ERICH1: variants seen among roughly 807,000 people sequenced by gnomAD.
The protein encoded by ERICH1 is glutamate rich 1, also known as glutamate-rich protein 1.
A neutral mutation model predicts 39.6 loss-of-function variants in ERICH1; 56 were observed. The ratio of observed to expected loss-of-function variants is 1.41; its 90% CI spans 1.14 to 1.77. The LOEUF (loss-of-function observed/expected upper bound fraction) is 1.77. ERICH1 is among the 40% of genes most tolerant of loss of function. ERICH1 has a pLI of 0.00. For missense variants in ERICH1, 826 were observed against 575.4 expected, an observed-to-expected ratio of 1.44 and a Z score of -4.45; for synonymous variants, 313 against 223.6, an observed-to-expected ratio of 1.40 and a Z score of -3.57.
intron 3 of ERICH1, among the ~76,000 whole-genome samples, chr8:625,102 C>G (rs148753026): frequency 2.0e-5 from 3 of 152,288 alleles, no homozygotes; most frequent in African/African-American, 2.4e-5. Context: ...CGCCCATGAT[C>G]CAATCACTCC....
At chr8:692,755 T>C in intron 2 of ERICH1, 143 bp from the exon 3 acceptor site, 2 of 1,010,942 alleles carry the variant, frequency 2.0e-6, no homozygotes, top group Non-Finnish European at 2.8e-6. Context: ...ACCACTGTCA[T>C]AAATACTGAT....
At chr8:674,156 G>T (rs1804119544) in intron 3 of ERICH1, 109 bp from the exon 4 acceptor site, 1 of 1,266,474 alleles carries the variant, frequency 7.9e-7, no homozygotes, top group Non-Finnish European at 1.1e-6. Context: ...TAGAAAAAGA[G>T]TTTACACTAT....
intron 3 of ERICH1, chr8:626,182 T>A (rs938062845): frequency 6.6e-6 from 1 of 152,146 alleles, no homozygotes; most frequent in Admixed American, 6.5e-5. Flanking sequence ...TGAGCAAAAA[T>A]AGACAGCACA....
At chr8:652,045 GAGGCA>G (rs1235734239) in intron 3 of ERICH1, among the ~76,000 whole-genome samples, 2 of 152,210 alleles carry the variant, frequency 1.3e-5, no homozygotes, top group African/African-American at 4.8e-5. Context: ...CGGGGACCTG[GAGGCA>G]GAGCGTTTGC....
chr8:655,709 T>G (rs918003919), intron 3 of ERICH1, among the ~76,000 whole-genome samples: 9 of 150,604 alleles, frequency 6.0e-5, no homozygotes, highest in Non-Finnish European at 8.9e-5. Context: ...CCTTCCTTCT[T>G]TCCTTCCTCT....
intron 2 of ERICH1, among the ~76,000 whole-genome samples, chr8:699,082 T>A (rs1180941202): frequency 6.6e-6 from 1 of 151,896 alleles, no homozygotes; most frequent in East Asian, 1.9e-4. Flanking sequence ...AGCACCGCAC[T>A]ACGGCCTGCG....
At chr8:634,502 T>C (rs560033060) in intron 3 of ERICH1, among the ~76,000 whole-genome samples, 1 of 152,362 alleles carries the variant, frequency 6.6e-6, no homozygotes, top group South Asian at 2.1e-4. Context: ...GTCTCGAGGA[T>C]ACGTCTGCAC....
intron 3 of ERICH1, among the ~76,000 whole-genome samples, chr8:635,126 A>G (rs1798324522): frequency 6.6e-6 from 1 of 151,110 alleles, no homozygotes; most frequent in African/African-American, 2.4e-5. Flanking sequence ...CCTCACCAGG[A>G]GTGGGCGTGG....
intron 3 of ERICH1, among the ~76,000 whole-genome samples, chr8:674,708 T>C (rs1013566584): frequency 6.6e-6 from 1 of 152,258 alleles, no homozygotes. Context: ...TTTTACAATT[T>C]AGTCCTTTCT....
intron 3 of ERICH1, among the ~76,000 whole-genome samples, chr8:637,841 C>A (rs111730643): frequency 6.6e-6 from 1 of 152,176 alleles, no homozygotes; most frequent in Non-Finnish European, 1.5e-5. Context: ...AGTCACCAGC[C>A]GTGCGAGAGC....
chr8:728,090 C>T (rs55965165), intron 1 of ERICH1, among the ~76,000 whole-genome samples: 34,939 of 152,176 alleles, frequency 0.23, 4,361 homozygotes, highest in Middle Eastern at 0.29. Flanking sequence ...TGAGGATCGT[C>T]TCTGCCAAGC....
At chr8:665,594 G>C (rs1563206345) in intron 5 of ERICH1, among the ~76,000 whole-genome samples, 4 of 152,248 alleles carry the variant, frequency 2.6e-5, no homozygotes, top group African/African-American at 7.2e-5. Context: ...TTCCCATACA[G>C]AGAATTAGAG....
At chr8:695,816 C>G (rs941095388) in intron 2 of ERICH1, among the ~76,000 whole-genome samples, 477 of 146,188 alleles carry the variant, frequency 3.3e-3, no homozygotes, top group Non-Finnish European at 4.2e-3. Context: ...GCTCCTCTCA[C>G]CCTCCCTTCC....
intron 3 of ERICH1, chr8:625,999 T>C (rs1377560930): frequency 6.6e-6 from 1 of 152,274 alleles, no homozygotes; most frequent in African/African-American, 2.4e-5. Context: ...TATTCCATTT[T>C]CATCCATTCT....
intron 3 of ERICH1, among the ~76,000 whole-genome samples, chr8:625,284 T>C (rs965265681): frequency 2.0e-5 from 3 of 152,172 alleles, no homozygotes; most frequent in African/African-American, 4.8e-5. Flanking sequence ...AACAATGGAA[T>C]AGTAGCCACA....
intron 3 of ERICH1, chr8:616,255 G>C: frequency 3.6e-6 from 1 of 280,566 alleles, no homozygotes; most frequent in Admixed American, 4.6e-5. Flanking sequence ...TGGTGTCTGA[G>C]GCACAGATCT....
At chr8:663,540 A>G (rs79498111), downstream of ERICH1, among the ~76,000 whole-genome samples, 6 of 65,892 alleles carry the variant, frequency 9.1e-5, no homozygotes, top group South Asian at 1.1e-3. Context: ...CGGGACAGGC[A>G]GGACAGGCGG....
intron 3 of ERICH1, among the ~76,000 whole-genome samples, chr8:618,741 C>A (rs140628255): frequency 6.6e-6 from 1 of 152,118 alleles, no homozygotes; most frequent in Non-Finnish European, 1.5e-5. Context: ...TGTGCTTAAA[C>A]CTGGTGTCGT....
At chr8:663,782 T>G (rs1315305654), downstream of ERICH1, among the ~76,000 whole-genome samples, 5 of 152,014 alleles carry the variant, frequency 3.3e-5, no homozygotes, top group Non-Finnish European at 7.4e-5. Flanking sequence ...TATTTTGAGC[T>G]GGAGTCTCGC....
Sources: allele counts gnomAD v4.1 joint callset (sites outside exome capture counted in the v4.1 genomes callset), GRCh38; gene constraint gnomAD v4.1.1; transcripts MANE v1.5; gene names NCBI Gene and HGNC (gene_info 2026-07-23, HGNC 2026-07-21).